Variants in SHANK2 observed in about 807,000 individuals in gnomAD.
The protein encoded by SHANK2 is SH3 and multiple ankyrin repeat domains 2, also known as SH3 and multiple ankyrin repeat domains protein 2.
A neutral mutation model predicts 133.7 loss-of-function variants in SHANK2; 43 were observed. The ratio of observed to expected loss-of-function variants is 0.32; its 90% confidence interval spans 0.25 to 0.41. The LOEUF (loss-of-function observed/expected upper bound fraction) is 0.41. Among genes scored for constraint, SHANK2 ranks in the 10% least tolerant of loss-of-function variants. The probability of loss-of-function intolerance (pLI) is 1.00; values close to 1 mark genes in which losing one functional copy is unlikely to be tolerated. For synonymous variants in SHANK2, 1,017 were observed against 952.8 expected (o/e 1.07, Z -1.24); for missense variants, 1,994 against 2,235.8 (o/e 0.89, Z 2.18).
At chr11:70,563,470 A>G (rs985738345) in intron 17 of SHANK2, among the ~76,000 whole-genome samples, 1 of 152,134 alleles carries the variant, frequency 6.6e-6, no homozygotes, top group African/African-American at 2.4e-5. Flanking sequence ...GAATTAAACA[A>G]AACAAATTTT....
chr11:71,125,363 T>TTA (rs1555102444), intron 3 of SHANK2, among the ~76,000 whole-genome samples: 1 of 152,146 alleles, frequency 6.6e-6, no homozygotes, highest in African/African-American at 2.4e-5. Context: ...CTGAAGGAAA[T>TTA]TAGAAGGGCC....
intron 17 of SHANK2, among the ~76,000 whole-genome samples, chr11:70,605,147 C>T (rs1375058728): frequency 3.3e-5 from 5 of 152,174 alleles, no homozygotes. Context: ...CGCTTTTTAA[C>T]AGGGCCACGT....
chr11:71,203,887 C>G (rs991096169), intron 2 of SHANK2, among the ~76,000 whole-genome samples: 1 of 152,208 alleles, frequency 6.6e-6, no homozygotes, highest in Admixed American at 6.5e-5. Flanking sequence ...GGTCTGGACT[C>G]CTTGTGTGCT....
chr11:71,190,846 G>A (rs553117034), intron 2 of SHANK2, among the ~76,000 whole-genome samples: 98 of 152,310 alleles, frequency 6.4e-4, no homozygotes, highest in Admixed American at 9.1e-4. Context: ...GAAGGTGGAC[G>A]TCCAGCCCCT....
chr11:70,703,100 G>T (rs539817970), intron 14 of SHANK2, among the ~76,000 whole-genome samples: 1 of 152,372 alleles, frequency 6.6e-6, no homozygotes, highest in African/African-American at 2.4e-5. Context: ...TCCGACCTCA[G>T]ATCTGTGCCT....
chr11:70,492,313 G>A (rs782451934), intron 22 of SHANK2, 22 bp downstream of exon 22: 2 of 1,607,900 alleles, frequency 1.2e-6, no homozygotes, highest in Non-Finnish European at 1.7e-6. Context: ...CGCCCTCGTG[G>A]TCCCAAGGTA....
At position 71,056,566 on chromosome 11, in the gene SHANK2, T is replaced by C. The variant is rs1950923588; in HGVS notation, c.1030-8A>G. On this transcript the variant is annotated splice_polypyrimidine_tract_variant and splice_region_variant and intron_variant, in intron 9 of 25. Transcript: ENST00000601538. ...CACTCTTGCACAGCTGTCCTGCAAA[T>C]AGAAAAGGAGAAACCTGTTTGTAAA... 6.6e-6 allele frequency: 1 copy of C among 152,154 alleles called. No homozygotes were observed. The highest frequency in any genetic ancestry group is 2.1e-4 in the South Asian group (1 of 4,832). The allele number at this position is 152,154 out of a possible 1,614,324, so 9.4% of individuals were successfully genotyped here. A position where few individuals can be genotyped will look rare whatever the true frequency, so the allele number is the denominator to read the frequency against.
At chr11:70,729,763 G>A (rs1555031652) in intron 14 of SHANK2, among the ~76,000 whole-genome samples, 1 of 151,176 alleles carries the variant, frequency 6.6e-6, no homozygotes. Context: ...TCGATCTTCT[G>A]ACCTCATGAT....
intron 2 of SHANK2, among the ~76,000 whole-genome samples, chr11:71,179,591 AG>A (rs1953514141): frequency 6.6e-6 from 1 of 152,208 alleles, no homozygotes; most frequent in Admixed American, 6.5e-5. Flanking sequence ...CTCCTCAGCA[AG>A]ACAAGAAAAA....
intron 12 of SHANK2, among the ~76,000 whole-genome samples, chr11:70,810,462 C>T (rs538406955): frequency 2.6e-5 from 4 of 152,318 alleles, no homozygotes; most frequent in South Asian, 2.1e-4. Flanking sequence ...AGGAGAATCC[C>T]GGCAACCAAG....
intron 2 of SHANK2, among the ~76,000 whole-genome samples, chr11:71,209,902 C>T (rs1274604705): frequency 6.6e-6 from 1 of 152,048 alleles, no homozygotes; most frequent in East Asian, 1.9e-4. Flanking sequence ...CCATTCTTCA[C>T]AAGACTCATC....
At chr11:71,177,652 A>G (rs1390706873) in intron 2 of SHANK2, among the ~76,000 whole-genome samples, 2 of 152,250 alleles carry the variant, frequency 1.3e-5, no homozygotes, top group Admixed American at 6.5e-5. Context: ...AAGATGACAG[A>G]TTTAAATCAA....
intron 15 of SHANK2, among the ~76,000 whole-genome samples, chr11:70,697,236 G>C (rs543370099): frequency 9.2e-5 from 14 of 152,328 alleles, no homozygotes; most frequent in Admixed American, 2.0e-4. Context: ...CACTAAACTA[G>C]TGATTCACTA....
At chr11:70,657,730 C>T (rs1397469701) in intron 17 of SHANK2, among the ~76,000 whole-genome samples, 1 of 152,188 alleles carries the variant, frequency 6.6e-6, no homozygotes, top group Non-Finnish European at 1.5e-5. Flanking sequence ...AGAGGTTACC[C>T]AGAATATAAA....
intron 14 of SHANK2, among the ~76,000 whole-genome samples, chr11:70,755,012 A>G (rs1328049615): frequency 1.3e-5 from 2 of 152,134 alleles, no homozygotes; most frequent in East Asian, 3.8e-4. Context: ...TAAAAGCAAG[A>G]TCCCAGAAGT....
At chr11:71,106,283 C>T (rs1232678393) in intron 6 of SHANK2, among the ~76,000 whole-genome samples, 2 of 152,226 alleles carry the variant, frequency 1.3e-5, no homozygotes. Flanking sequence ...GAACTGATTC[C>T]ATAATTCTGC....
intron 14 of SHANK2, among the ~76,000 whole-genome samples, chr11:70,782,956 A>G (rs1030831321): frequency 2.0e-5 from 3 of 152,134 alleles, no homozygotes; most frequent in Non-Finnish European, 4.4e-5. Flanking sequence ...CCGCAATGTG[A>G]TGGGGACTTT....
intron 3 of SHANK2, among the ~76,000 whole-genome samples, chr11:71,145,191 C>T (rs1404906042): frequency 6.6e-6 from 1 of 152,202 alleles, no homozygotes; most frequent in African/African-American, 2.4e-5. Context: ...CACCCTGAGC[C>T]TCCCCCACAA....
chr11:70,792,602 G>A (rs1947819744), intron 14 of SHANK2, among the ~76,000 whole-genome samples: 1 of 152,208 alleles, frequency 6.6e-6, no homozygotes, highest in Non-Finnish European at 1.5e-5. Context: ...CATGAATGGA[G>A]TTTACCAACT....
Sources: gnomAD v4.1 joint callset for allele counts (sites outside exome capture counted in the v4.1 genomes callset) on GRCh38, gnomAD v4.1.1 for gene constraint, MANE v1.5 for transcripts, NCBI Gene and HGNC (gene_info 2026-07-23, HGNC 2026-07-21) for gene names.